Variants in MCC observed in about 807,000 individuals in gnomAD.
The protein encoded by MCC is MCC regulator of Wnt signaling pathway, also known as colorectal mutant cancer protein.
In MCC, 90 loss-of-function variants were observed where a neutral mutation model predicts 116.2. That is an observed-to-expected ratio of 0.77 (90% CI 0.65 to 0.92). The LOEUF is 0.92. Ranked by LOEUF, MCC falls within the 40% of genes least tolerant of loss-of-function variation. The pLI, the probability that MCC is intolerant of heterozygous loss-of-function variation, is 0.00. For synonymous variants in MCC, 578 were observed against 510.5 expected (o/e 1.13, Z -1.78); for missense variants, 1,516 against 1,312.2 (o/e 1.16, Z -2.40).
chr5:113,465,472 G>C (rs900140059), intron 1 of MCC, among the ~76,000 whole-genome samples: 1 of 152,086 alleles, frequency 6.6e-6, no homozygotes, highest in African/African-American at 2.4e-5. Context: ...TCAGTAGAGA[G>C]AGTTTTAACA....
chr5:113,025,575 C>CAA lies in MCC; in HGVS notation c.*1726_*1727insTT, dbSNP rs10660020. ...ACGCCACTGCACTTCAGCCTGGTGA[C>CAA]GAGCAAAACTCCATCTCAAAAAAAA... On this transcript the variant is annotated 3_prime_UTR_variant, in exon 19 of 19. Coordinates refer to ENST00000408903, the MANE Select transcript of MCC (RefSeq NM_001085377.2). 0.84 allele frequency: 122,639 copies of CAA among 145,494 alleles called. 51,719 individuals carry two copies. The highest frequency in any genetic ancestry group is 0.89 in the African/African-American group (34,674 of 39,098). The allele number at this position is 145,494 out of a possible 1,614,324, so 9.0% of individuals were successfully genotyped here.
Position 113,031,648 on chromosome 5 carries a change from C to A in MCC, c.2757-2592G>T, listed in dbSNP as rs377150933. Among the ~76,000 whole-genome samples, 43 of 152,144 alleles carry A rather than the reference C, an allele frequency of 2.8e-4. 1 individual carries two copies. Among genetic ancestry groups the A allele is most frequent in the African/African-American group, 9.6e-4 (40 of 41,514 alleles). On this transcript the variant is annotated intron_variant, in intron 17 of 18. Transcript: ENST00000408903. ...TCAATAAGAAATTCACAACAAAAAA[C>A]TCTGGGATGCTACCTAGAGCAGTCA...
chr5:113,075,451 C>T (rs944701871), intron 11 of MCC, among the ~76,000 whole-genome samples: 24 of 152,226 alleles, frequency 1.6e-4, no homozygotes, highest in African/African-American at 3.4e-4. Flanking sequence ...CGGGCAGCTC[C>T]GCCAGCGGTC....
chr5:113,225,212 C>T (rs993227176), intron 3 of MCC, among the ~76,000 whole-genome samples: 1 of 152,202 alleles, frequency 6.6e-6, no homozygotes, highest in African/African-American at 2.4e-5. Flanking sequence ...TCACGTATGA[C>T]ACTTATGTGT....
chr5:113,184,472 G>GTTTTTTTTTTTTTTTTT (rs200787776), intron 3 of MCC, among the ~76,000 whole-genome samples: 1 of 123,800 alleles, frequency 8.1e-6, no homozygotes, highest in African/African-American at 3.2e-5. Context: ...TTCTTTCTTC[G>GTTTTTTTTTTTTTTTTT]TTTTTTGTTT....
Position 113,026,932 on chromosome 5 carries a change from AG to A in MCC, c.*369del. On this transcript the variant is annotated 3_prime_UTR_variant, in exon 19 of 19. Coordinates refer to ENST00000408903, the MANE Select transcript of MCC (RefSeq NM_001085377.2). ...GATGAGCCCAGCATCTACCAAAAAGAGGATACAATGGAAAATCTTACAGAAA... is the reference window on the plus strand; with the variant it reads ...GATGAGCCCAGCATCTACCAAAAAGAGATACAATGGAAAATCTTACAGAAA... 1 of 197,140 alleles carries A rather than the reference AG, an allele frequency of 5.1e-6. No individual in the cohort carries two copies. The highest frequency in any genetic ancestry group is 5.8e-5 in the Admixed American group (1 of 17,378). The allele number at this position is 197,140 out of a possible 1,614,324, so 12.2% of individuals were successfully genotyped here.
chr5:113,349,331 G>T (rs534355753), intron 2 of MCC, among the ~76,000 whole-genome samples: 1 of 152,004 alleles, frequency 6.6e-6, no homozygotes, highest in East Asian at 1.9e-4. Context: ...AACAACACAT[G>T]ATAAACTTCA....
At chr5:113,327,976 CAACT>C (rs1039798097) in intron 3 of MCC, among the ~76,000 whole-genome samples, 8 of 151,940 alleles carry the variant, frequency 5.3e-5, no homozygotes, top group African/African-American at 1.9e-4. Flanking sequence ...TAAGATGTAA[CAACT>C]AACAAATGAT....
At chr5:113,314,131 T>A (rs549533126) in intron 3 of MCC, among the ~76,000 whole-genome samples, 1 of 152,144 alleles carries the variant, frequency 6.6e-6, no homozygotes, top group East Asian at 1.9e-4. Flanking sequence ...TATCTATAAT[T>A]CTAAACAGAT....
At chr5:113,136,238 C>T (rs1758816992) in intron 5 of MCC, among the ~76,000 whole-genome samples, 3 of 152,168 alleles carry the variant, frequency 2.0e-5, no homozygotes, top group Admixed American at 6.5e-5. Context: ...CTTTAGCTAG[C>T]ATCTCAGCTG....
rs201791963 is a variant in MCC at position 113,077,634 on chromosome 5, A to G, written c.1784+5226T>C. On this transcript the variant is annotated intron_variant, in intron 11 of 18. Transcript: ENST00000408903. ...GAGAACAAAGACAAAACATACAAGA[A>G]TCTCTGGGACACATTTAAAGCAGTG... Among the ~76,000 whole-genome samples, 79 of 152,246 alleles carry G rather than the reference A, an allele frequency of 5.2e-4. No individual in the cohort carries two copies. The East Asian group carries it at 0.013, about 25-fold the overall frequency.
At chr5:113,292,910 T>G (rs775138843) in intron 3 of MCC, among the ~76,000 whole-genome samples, 1 of 152,134 alleles carries the variant, frequency 6.6e-6, no homozygotes, top group Non-Finnish European at 1.5e-5. Flanking sequence ...TAGTTCAGAT[T>G]TGAGACCGTT....
intron 8 of MCC, among the ~76,000 whole-genome samples, chr5:113,097,886 T>G (rs899634059): frequency 5.9e-5 from 9 of 152,208 alleles, no homozygotes; most frequent in Admixed American, 5.2e-4. Flanking sequence ...ACTGTGGCAA[T>G]GAAACCAGAA....
chr5:113,367,877 A>G (rs1163383615), intron 2 of MCC, among the ~76,000 whole-genome samples: 1 of 152,154 alleles, frequency 6.6e-6, no homozygotes, highest in Non-Finnish European at 1.5e-5. Context: ...ATTGTCCAAC[A>G]TTCCTTACTG....
intron 8 of MCC, among the ~76,000 whole-genome samples, chr5:113,093,465 G>A (rs4645326): frequency 0.63 from 93,554 of 147,452 alleles, 29,103 homozygotes; most frequent in East Asian, 0.71. Context: ...CTATCTATCT[G>A]TTGATCTCTC....
At chr5:113,289,217 G>C (rs867154399) in intron 3 of MCC, among the ~76,000 whole-genome samples, 7 of 151,554 alleles carry the variant, frequency 4.6e-5, no homozygotes, top group African/African-American at 1.7e-4. Flanking sequence ...TGTAATCCCA[G>C]CTACTCAGGA....
chr5:113,259,652 A>G (rs1387073020), intron 3 of MCC, among the ~76,000 whole-genome samples: 1 of 152,158 alleles, frequency 6.6e-6, no homozygotes, highest in Non-Finnish European at 1.5e-5. Flanking sequence ...GCACGTGGCC[A>G]TTATTTTTCC....
At chr5:113,365,901 G>GT (rs1768675604) in intron 2 of MCC, among the ~76,000 whole-genome samples, 1 of 152,200 alleles carries the variant, frequency 6.6e-6, no homozygotes, top group African/African-American at 2.4e-5. Context: ...ACAGTACCAA[G>GT]TTGGGGATGG....
intron 1 of MCC, among the ~76,000 whole-genome samples, chr5:113,418,260 TATA>T (rs1228962605): frequency 1.3e-5 from 2 of 149,330 alleles, no homozygotes; most frequent in African/African-American, 2.5e-5. Context: ...AACTTAAAAG[TATA>T]ATAATAAAAT....
Sources: allele counts gnomAD v4.1 joint callset (sites outside exome capture counted in the v4.1 genomes callset), GRCh38; gene constraint gnomAD v4.1.1; transcripts MANE v1.5; gene names NCBI Gene and HGNC (gene_info 2026-07-23, HGNC 2026-07-21).